Variants in SKAP2 observed in about 807,000 individuals in gnomAD.
SKAP2 encodes the protein src kinase associated phosphoprotein 2, also known as src kinase-associated phosphoprotein 2.
A neutral mutation model predicts 54.9 loss-of-function variants in SKAP2; 28 were observed. The observed-to-expected ratio is 0.51, with a 90% CI of 0.38 to 0.70. SKAP2 has a LOEUF of 0.70. Ranked by LOEUF, SKAP2 falls within the 30% of genes least tolerant of loss-of-function variation. SKAP2 has a pLI of 0.00. For synonymous variants in SKAP2, 137 were observed against 134.3 expected (o/e 1.02, Z -0.14); for missense variants, 356 against 424.1 (o/e 0.84, Z 1.41).
chr7:26,819,941 G>GT (rs1353921386), intron 4 of SKAP2, among the ~76,000 whole-genome samples: 1 of 152,162 alleles, frequency 6.6e-6, no homozygotes, highest in African/African-American at 2.4e-5. Flanking sequence ...ATGGATACAT[G>GT]TAAGTTTTCT....
Position 26,844,637 on chromosome 7 carries a change from A to G in SKAP2, c.200-500T>C, listed in dbSNP as rs115984864. On this transcript the variant is annotated intron_variant, in intron 3 of 12. Transcript: ENST00000345317. The stretch of plus-strand genomic sequence containing the variant: ...AATATTTTGTATAAAATCATTTTAT[A>G]CATTTTTATACATTTTATACATTTT... Among the ~76,000 whole-genome samples the G allele has an allele frequency of 5.7e-3, 870 of 152,300 alleles. 11 individuals are homozygous for G. The highest frequency in any genetic ancestry group is 0.02 in the African/African-American group (834 of 41,586).
chr7:26,815,419 T>C (rs1784245328), intron 4 of SKAP2, among the ~76,000 whole-genome samples: 1 of 152,166 alleles, frequency 6.6e-6, no homozygotes, highest in African/African-American at 2.4e-5. Context: ...AATAAAATCC[T>C]GCCATGCTAT....
chr7:26,697,315 A>G (rs1253246963), intron 9 of SKAP2, among the ~76,000 whole-genome samples: 2 of 152,194 alleles, frequency 1.3e-5, no homozygotes, highest in African/African-American at 4.8e-5. Context: ...TTAGGCAATT[A>G]TGGCAAAAGG....
intron 9 of SKAP2, among the ~76,000 whole-genome samples, chr7:26,691,843 G>T (rs1562577161): frequency 6.6e-6 from 1 of 152,202 alleles, no homozygotes; most frequent in Non-Finnish European, 1.5e-5. Context: ...TTTGACTAAA[G>T]AATCTGGTAC....
chr7:26,826,694 T>A (rs1049236501), intron 4 of SKAP2, among the ~76,000 whole-genome samples: 6 of 152,234 alleles, frequency 3.9e-5, no homozygotes, highest in Non-Finnish European at 7.3e-5. Flanking sequence ...CTTGTAATAG[T>A]GATTAAACCA....
intron 6 of SKAP2, among the ~76,000 whole-genome samples, chr7:26,734,898 C>T (rs763722080): frequency 6.6e-6 from 1 of 152,164 alleles, no homozygotes; most frequent in Non-Finnish European, 1.5e-5. Flanking sequence ...TGGAGGTACA[C>T]ATACATTCAC....
intron 4 of SKAP2, among the ~76,000 whole-genome samples, chr7:26,784,112 C>A (rs555696470): frequency 5.4e-5 from 8 of 146,924 alleles, no homozygotes; most frequent in Middle Eastern, 7.2e-3. Context: ...TAACCTTGGG[C>A]ACAGGGACAT....
chr7:26,852,533 T>A (rs1269105831), intron 3 of SKAP2, among the ~76,000 whole-genome samples: 1 of 152,210 alleles, frequency 6.6e-6, no homozygotes, highest in Non-Finnish European at 1.5e-5. Context: ...AAAATGATTA[T>A]GAGCAATCTC....
At chr7:26,752,128 A>G (rs1782699513) in intron 4 of SKAP2, among the ~76,000 whole-genome samples, 2 of 152,174 alleles carry the variant, frequency 1.3e-5, no homozygotes, top group Admixed American at 6.5e-5. Context: ...CTACAAAGTC[A>G]TTTACACTTG....
chr7:26,690,152 C>T (rs1455454453), intron 10 of SKAP2, 133 bp downstream of exon 10: 3 of 648,230 alleles, frequency 4.6e-6, no homozygotes, highest in African/African-American at 3.6e-5. Flanking sequence ...AGCTTATCAG[C>T]CATAAGATAT....
intron 9 of SKAP2, among the ~76,000 whole-genome samples, chr7:26,695,817 CCT>C (rs1786882644): frequency 6.6e-6 from 1 of 152,202 alleles, no homozygotes. Context: ...TTAACACACT[CCT>C]CTGTTCCTAA....
At chr7:26,813,250 G>A (rs1468815499) in intron 4 of SKAP2, among the ~76,000 whole-genome samples, 1 of 152,104 alleles carries the variant, frequency 6.6e-6, no homozygotes, top group Non-Finnish European at 1.5e-5. Flanking sequence ...AGGCACAAAA[G>A]TAACAGTATG....
intron 4 of SKAP2, among the ~76,000 whole-genome samples, chr7:26,828,954 T>C (rs1784548446): frequency 6.7e-6 from 1 of 149,758 alleles, no homozygotes; most frequent in Non-Finnish European, 1.5e-5. Flanking sequence ...TGGAACCCAG[T>C]GGGGGCAGAG....
At chr7:26,764,004 C>T (rs978232784) in intron 4 of SKAP2, among the ~76,000 whole-genome samples, 2 of 152,158 alleles carry the variant, frequency 1.3e-5, no homozygotes, top group African/African-American at 2.4e-5. Flanking sequence ...CATGACTGTT[C>T]TTCTATCATC....
At chr7:26,780,882 A>G (rs1783410822) in intron 4 of SKAP2, among the ~76,000 whole-genome samples, 1 of 152,142 alleles carries the variant, frequency 6.6e-6, no homozygotes, top group Non-Finnish European at 1.5e-5. Flanking sequence ...TACATAAAAA[A>G]TCATGGCTAA....
At chr7:26,836,477 G>T (rs567359816) in intron 4 of SKAP2, among the ~76,000 whole-genome samples, 71 of 152,000 alleles carry the variant, frequency 4.7e-4, no homozygotes, top group Non-Finnish European at 7.1e-4. Flanking sequence ...AATCTACAAA[G>T]AACTTAAATT....
Position 26,843,965 on chromosome 7 carries a change from T to G in SKAP2, c.307+65A>C. On this transcript the variant is annotated intron_variant, in intron 4 of 12. Transcript: ENST00000345317. ...ATGTTCATCTGCTTTCTCATAAAACTACCACCCATATATATAGCATTGTTT... is the reference window on the plus strand; with the variant it reads ...ATGTTCATCTGCTTTCTCATAAAACGACCACCCATATATATAGCATTGTTT... The G allele has an allele frequency of 3.0e-6, 3 of 995,598 alleles. No homozygotes were observed. In the African/African-American group the frequency reaches 4.8e-5, roughly 16 times the overall value. The allele number at this position is 995,598 out of a possible 1,614,324, so 61.7% of individuals were successfully genotyped here.
chr7:26,844,947 T>C (rs1424800359), intron 3 of SKAP2, among the ~76,000 whole-genome samples: 2 of 152,144 alleles, frequency 1.3e-5, no homozygotes, highest in Non-Finnish European at 2.9e-5. Flanking sequence ...TTCAATTTTT[T>C]CCATATAATC....
intron 9 of SKAP2, among the ~76,000 whole-genome samples, chr7:26,724,488 T>A (rs921807480): frequency 2.0e-5 from 3 of 152,188 alleles, no homozygotes; most frequent in Non-Finnish European, 4.4e-5. Context: ...GTCTTGAAAA[T>A]GACATTTGTA....
Sources: allele counts gnomAD v4.1 joint callset (sites outside exome capture counted in the v4.1 genomes callset), GRCh38; gene constraint gnomAD v4.1.1; transcripts MANE v1.5; gene names NCBI Gene and HGNC (gene_info 2026-07-23, HGNC 2026-07-21).